Variants in FAM135A observed in about 807,000 individuals in gnomAD.
FAM135A encodes the protein protein FAM135A.
Under a neutral mutation model 146.8 loss-of-function variants are expected in FAM135A, and 79 were observed. That is an observed-to-expected ratio of 0.54 (90% CI 0.45 to 0.65). The LOEUF is 0.65. FAM135A is among the 30% of genes least tolerant of loss of function. The probability of loss-of-function intolerance (pLI) is 0.00; values close to 1 mark genes in which losing one functional copy is unlikely to be tolerated. For missense variants in FAM135A, 1,623 were observed against 1,758.2 expected (o/e 0.92, Z 1.38); for synonymous variants, 562 against 603.6 (o/e 0.93, Z 1.01).
chr6:70,457,138 C>G (rs1273948276), intron 5 of FAM135A, among the ~76,000 whole-genome samples: 1 of 152,168 alleles, frequency 6.6e-6, no homozygotes, highest in Admixed American at 6.5e-5. Context: ...AATGTCCTTT[C>G]TGTGTTTTCA....
intron 12 of FAM135A, among the ~76,000 whole-genome samples, chr6:70,507,539 T>C (rs1439622100): frequency 6.6e-6 from 1 of 152,070 alleles, no homozygotes; most frequent in African/African-American, 2.4e-5. Context: ...AAGCAAAGAG[T>C]TGGACTAAAA....
At chr6:70,508,933 G>T (rs1184191499) in intron 12 of FAM135A, among the ~76,000 whole-genome samples, 2 of 152,138 alleles carry the variant, frequency 1.3e-5, no homozygotes, top group Non-Finnish European at 2.9e-5. Context: ...ATACGGAAAA[G>T]AATTCCTTGC....
At chr6:70,474,813 A>G (rs1214525321) in intron 5 of FAM135A, among the ~76,000 whole-genome samples, 3 of 152,170 alleles carry the variant, frequency 2.0e-5, no homozygotes, top group Non-Finnish European at 4.4e-5. Context: ...TGACTGAATC[A>G]TCGCCCATGT....
At chr6:70,432,549 A>T (rs1771912916) in intron 4 of FAM135A, among the ~76,000 whole-genome samples, 1 of 152,160 alleles carries the variant, frequency 6.6e-6, no homozygotes, top group Admixed American at 6.5e-5. Flanking sequence ...ATAAATAGAC[A>T]TCCTTACTTC....
intron 7 of FAM135A, among the ~76,000 whole-genome samples, chr6:70,476,007 C>T (rs942655750): frequency 7.2e-5 from 11 of 152,274 alleles, no homozygotes; most frequent in African/African-American, 7.2e-5. Context: ...ATACCACTAC[C>T]GTGAGGCATT....
intron 5 of FAM135A, among the ~76,000 whole-genome samples, chr6:70,458,778 A>T (rs1234983405): frequency 6.6e-6 from 1 of 152,168 alleles, no homozygotes; most frequent in Non-Finnish European, 1.5e-5. Flanking sequence ...TTCTGTCTAG[A>T]TGCATTTCCT....
intron 3 of FAM135A, 65 bp from the exon 4 acceptor site, chr6:70,428,239 T>A (rs1417186221): frequency 1.4e-6 from 1 of 701,090 alleles, no homozygotes; most frequent in African/African-American, 1.8e-5. Context: ...GTATAAATAA[T>A]AGCATTTTTA....
At chr6:70,497,282 C>T (rs573769847) in intron 11 of FAM135A, among the ~76,000 whole-genome samples, 1 of 152,210 alleles carries the variant, frequency 6.6e-6, no homozygotes, top group East Asian at 1.9e-4. Context: ...GGAATTCACT[C>T]ATGATTTGGC....
Position 70,525,117 on chromosome 6 carries a change from C to T in FAM135A, c.2033C>T (p.Pro678Leu). The T allele has an allele frequency of 6.4e-7, 1 of 1,566,256 alleles. No individual in the cohort carries two copies. The highest frequency in any genetic ancestry group is 8.6e-7 in the Non-Finnish European group (1 of 1,161,526). ...GAGAATATAACTGTCAAACTAGGAC[C>T]TTGGACAGAGCTTCGACAAGAGGAA... is the stretch of plus-strand genomic sequence containing the variant. ...SGENITVKLG[P>L]WTELRQEEIL... The change falls in exon 15 of 22, where the codon CCT (proline) becomes CTT (leucine). Residue 678 changes from proline (P) to leucine (L), a missense_variant. Physicochemically the swap from Pro to Leu is moderately conservative, Grantham distance 98. This residue lies in a region of FAM135A where 1,061 missense variants were observed against 1,113.8 expected (regional missense o/e 0.95). Coordinates refer to ENST00000418814, the MANE Select transcript of FAM135A (RefSeq NM_001162529.3).
intron 11 of FAM135A, among the ~76,000 whole-genome samples, chr6:70,499,618 C>T (rs1396448585): frequency 6.6e-6 from 1 of 152,100 alleles, no homozygotes; most frequent in Non-Finnish European, 1.5e-5. Flanking sequence ...GTGGCTGGTA[C>T]CGGTTTTCCT....
At chr6:70,554,537 G>T (rs1202862307) in intron 20 of FAM135A, among the ~76,000 whole-genome samples, 3 of 152,214 alleles carry the variant, frequency 2.0e-5, no homozygotes, top group Non-Finnish European at 4.4e-5. Context: ...AACTCATGAA[G>T]AATTTTGCTA....
intron 4 of FAM135A, among the ~76,000 whole-genome samples, chr6:70,439,114 C>T (rs927113395): frequency 3.3e-5 from 5 of 152,002 alleles, no homozygotes; most frequent in African/African-American, 1.2e-4. Flanking sequence ...TTGAAGGCTG[C>T]GATGAGCTGT....
chr6:70,456,440 C>G (rs1196900015), intron 5 of FAM135A, among the ~76,000 whole-genome samples: 2 of 152,078 alleles, frequency 1.3e-5, no homozygotes, highest in East Asian at 1.9e-4. Context: ...CTTTGTTTTT[C>G]GCAGATTCCA....
At chr6:70,449,299 T>C (rs1776527641) in intron 4 of FAM135A, among the ~76,000 whole-genome samples, 1 of 152,178 alleles carries the variant, frequency 6.6e-6, no homozygotes, top group Non-Finnish European at 1.5e-5. Context: ...AGATATGCAG[T>C]ACATTATTAT....
At chr6:70,538,215 A>G in intron 19 of FAM135A, 76 bp from the exon 20 acceptor site, 1 of 866,468 alleles carries the variant, frequency 1.2e-6, no homozygotes. Flanking sequence ...AGTGAAATAT[A>G]TATTAAAATT....
intron 4 of FAM135A, among the ~76,000 whole-genome samples, chr6:70,437,753 C>G (rs747800011): frequency 6.6e-6 from 1 of 151,924 alleles, no homozygotes; most frequent in Non-Finnish European, 1.5e-5. Flanking sequence ...GGCTTTGAAA[C>G]TTGTTAAAGT....
At chr6:70,509,217 T>C (rs541653476) in intron 12 of FAM135A, among the ~76,000 whole-genome samples, 1 of 152,284 alleles carries the variant, frequency 6.6e-6, no homozygotes, top group South Asian at 2.1e-4. Context: ...GAGGATCACT[T>C]GAGGCTGGGA....
intron 18 of FAM135A, among the ~76,000 whole-genome samples, chr6:70,535,735 G>A (rs1439880056): frequency 1.3e-5 from 2 of 152,122 alleles, no homozygotes; most frequent in African/African-American, 2.4e-5. Context: ...TTGCATAATC[G>A]AAGATTCATA....
chr6:70,549,783 T>C (rs1799487218), intron 20 of FAM135A, among the ~76,000 whole-genome samples: 1 of 152,204 alleles, frequency 6.6e-6, no homozygotes, highest in Non-Finnish European at 1.5e-5. Flanking sequence ...TGCTGTATTA[T>C]TGACTCTTCC....
Sources: allele counts gnomAD v4.1 joint callset (sites outside exome capture counted in the v4.1 genomes callset), GRCh38; gene constraint gnomAD v4.1.1; regional missense constraint gnomAD v4.1.1; transcripts MANE v1.5; gene names NCBI Gene and HGNC (gene_info 2026-07-23, HGNC 2026-07-21).